Variants in PCNT observed in about 807,000 individuals in gnomAD.
PCNT encodes pericentrin.
PCNT carries 319 observed loss-of-function variants against 380.4 expected under a neutral mutation model. That is an observed-to-expected ratio of 0.84 (90% CI 0.77 to 0.92). The LOEUF (loss-of-function observed/expected upper bound fraction) is 0.92. Ranked by LOEUF, PCNT falls within the 40% of genes least tolerant of loss-of-function variation. PCNT has a pLI of 0.00. For missense variants in PCNT, 4,400 were observed against 4,255.3 expected (o/e 1.03, Z -0.95); for synonymous variants, 1,845 against 1,735.2 (o/e 1.06, Z -1.57).
chr21:46,353,593 T>C (rs1196438389), intron 10 of PCNT, among the ~76,000 whole-genome samples: 1 of 151,110 alleles, frequency 6.6e-6, no homozygotes, highest in Admixed American at 6.6e-5. Flanking sequence ...GGCCAGCATG[T>C]GTGTGTGTGT....
chr21:46,349,581 GGCTCTGGGTGGCAGC>G (rs2084194321), intron 7 of PCNT, 88 bp from the exon 8 acceptor site: 2 of 1,281,922 alleles, frequency 1.6e-6, no homozygotes. Flanking sequence ...CCCAGGATGG[GGCTCTGGGTGGCAGC>G]GCTCTGGGTG....
chr21:46,435,617 A>G (rs1367452597), intron 38 of PCNT, among the ~76,000 whole-genome samples: 1 of 151,652 alleles, frequency 6.6e-6, no homozygotes, highest in East Asian at 1.9e-4. Flanking sequence ...ATCTCGGCTC[A>G]CTGCAAGCTC....
chr21:46,396,211 T>C (rs1178547400), intron 21 of PCNT, among the ~76,000 whole-genome samples: 1 of 152,240 alleles, frequency 6.6e-6, no homozygotes, highest in African/African-American at 2.4e-5. Flanking sequence ...GGTCTCAGGC[T>C]GGTTTTGCTG....
chr21:46,422,210 G>C, intron 32 of PCNT, 86 bp downstream of exon 32: 1 of 1,528,030 alleles, frequency 6.5e-7, no homozygotes, highest in Non-Finnish European at 8.9e-7. Context: ...TTGCCGGGGA[G>C]AGCCTTGGAG....
chr21:46,431,081 G>T, intron 37 of PCNT: 2 of 985,462 alleles, frequency 2.0e-6, no homozygotes, highest in Non-Finnish European at 2.4e-6. Flanking sequence ...ATGGGTTATG[G>T]CTTTCAACAG....
At chr21:46,384,659 G>A (rs1471675356) in intron 16 of PCNT, among the ~76,000 whole-genome samples, 1 of 144,136 alleles carries the variant, frequency 6.9e-6, no homozygotes, top group African/African-American at 2.6e-5. Context: ...GTGCATTCAC[G>A]GTATTGTGCA....
chr21:46,402,770 C>CA (rs1280999267), intron 27 of PCNT, among the ~76,000 whole-genome samples: 1 of 152,172 alleles, frequency 6.6e-6, no homozygotes, highest in Non-Finnish European at 1.5e-5. Flanking sequence ...GGCAGCACCC[C>CA]AGGGCTGTGA....
chr21:46,445,220 T>A, intron 46 of PCNT, 64 bp from the exon 47 acceptor site: 1 of 1,134,926 alleles, frequency 8.8e-7, no homozygotes, highest in Non-Finnish European at 1.3e-6. Context: ...AATTGTGGAA[T>A]TCTTTTCAAA....
intron 40 of PCNT, among the ~76,000 whole-genome samples, chr21:46,437,518 T>C (rs2053494955): frequency 6.6e-6 from 1 of 152,208 alleles, no homozygotes; most frequent in African/African-American, 2.4e-5. Context: ...CCTGCTGGCT[T>C]TGTGTTTGCG....
chr21:46,339,563 G>C (rs763739187), intron 3 of PCNT, among the ~76,000 whole-genome samples: 20 of 151,862 alleles, frequency 1.3e-4, no homozygotes, highest in Non-Finnish European at 2.5e-4. Context: ...AGGGCAGGAA[G>C]CATCCAGCAT....
rs1478908165 is a variant in PCNT, at chr21:46,359,480, GT to G, written c.2154+2299del. On this transcript the variant is annotated intron_variant, in intron 13 of 46. Transcript: ENST00000359568. ...TAGTATTCTGTCCAAAAATACACCT[GT>G]TTTTTTTTTGTTTTTTTTTTTTTTT... Among the ~76,000 whole-genome samples, 28 of 65,750 alleles carry G rather than the reference GT, an allele frequency of 4.3e-4. 1 individual carries two copies. The highest frequency in any genetic ancestry group is 1.0e-3 in the Admixed American group (5 of 4,878). The allele number at this position is 65,750 out of a possible 152,430, so 43.1% of individuals were successfully genotyped here. A position where few individuals can be genotyped will look rare whatever the true frequency, so the allele number is the denominator to read the frequency against.
At position 46,431,643 on chromosome 21, in the gene PCNT, T is replaced by C; in HGVS notation, c.8179T>C (p.Ser2727Pro). The C allele has an allele frequency of 6.2e-7, 1 of 1,613,914 alleles. No homozygotes were observed. The highest frequency in any genetic ancestry group is 1.1e-5 in the South Asian group (1 of 91,092). ...GCAGAAGGAGCTGCGTATCGAGCAC[T>C]CACGCTGCGAGGCCTTGCTGGCTCA... ...NLQKELRIEH[S>P]RCEALLAQER... The change falls in exon 38 of 47, where the codon TCA becomes CCA. Residue 2727 changes from serine (S) to proline (P), a missense_variant. Transcript: ENST00000359568.
chr21:46,427,905 C>G, intron 34 of PCNT, 110 bp downstream of exon 34: 9 of 1,223,318 alleles, frequency 7.4e-6, no homozygotes, highest in South Asian at 3.8e-5. Flanking sequence ...GTGTTTCTCT[C>G]GACCGCTGGA....
rs571573469 is a variant in PCNT, at chr21:46,425,762, G to A, written c.7180-69G>A. 1.4e-4 allele frequency: 222 copies of A among 1,606,316 alleles called. 1 individual carries two copies. In the African/African-American group the frequency reaches 2.3e-3, roughly 16 times the overall value. On this transcript the variant is annotated intron_variant, in intron 32 of 46. Coordinates refer to ENST00000359568, the MANE Select transcript of PCNT (RefSeq NM_006031.6). This position sits in a 1 kb window ranked among gnomAD's most constrained non-coding sequence, Gnocchi z 4.2. Reference sequence around the variant, plus strand: ...AGAGTCCTGGCGGCAGCTCGGGGCCGCAGGTGGTGTAGAGCGTGGCTGTGT... The same window carrying A: ...AGAGTCCTGGCGGCAGCTCGGGGCCACAGGTGGTGTAGAGCGTGGCTGTGT...
chr21:46,380,856 A>T (rs1435497812), intron 15 of PCNT, among the ~76,000 whole-genome samples: 1 of 152,086 alleles, frequency 6.6e-6, no homozygotes. Flanking sequence ...AAGTTTAAAA[A>T]AATAAGCTTA....
chr21:46,342,994 T>C (rs1348059181), intron 3 of PCNT, among the ~76,000 whole-genome samples: 1 of 152,196 alleles, frequency 6.6e-6, no homozygotes, highest in East Asian at 1.9e-4. Context: ...ATAGCAGTGC[T>C]ACTGATTTGT....
At chr21:46,342,697 C>T (rs767608614) in intron 3 of PCNT, among the ~76,000 whole-genome samples, 18 of 152,024 alleles carry the variant, frequency 1.2e-4, no homozygotes, top group East Asian at 1.9e-4. Flanking sequence ...TGTGCCACCA[C>T]GCCCAGCTAA....
chr21:46,398,862 C>T (rs2086301316), intron 24 of PCNT, among the ~76,000 whole-genome samples: 2 of 145,784 alleles, frequency 1.4e-5, no homozygotes. Context: ...TGCAGTTGCC[C>T]AGGCTGGAGT....
intron 33 of PCNT, 94 bp downstream of exon 33, chr21:46,426,065 CTTTCT>C: frequency 2.7e-6 from 1 of 365,068 alleles, no homozygotes; most frequent in Non-Finnish European, 4.6e-6. Flanking sequence ...ACTAGGATTT[CTTTCT>C]TTTTTTTTTT....
Sources: allele counts gnomAD v4.1 joint callset (sites outside exome capture counted in the v4.1 genomes callset), GRCh38; gene constraint gnomAD v4.1.1; non-coding constraint Gnocchi (gnomAD v3.1); transcripts MANE v1.5; gene names NCBI Gene and HGNC (gene_info 2026-07-23, HGNC 2026-07-21).